The following CD164 variants were observed in gnomAD, a reference collection of about 807,000 sequenced individuals.
CD164 encodes CD164 molecule.
A neutral mutation model predicts 24.6 loss-of-function variants in CD164; 11 were observed. The observed-to-expected ratio is 0.45, with a 90% CI of 0.28 to 0.74. CD164 has a LOEUF of 0.74. Among genes scored for constraint, CD164 ranks in the 30% least tolerant of loss-of-function variants. The pLI, the probability that CD164 is intolerant of heterozygous loss-of-function variation, is 0.13. For missense variants in CD164, 295 were observed against 243.7 expected (o/e 1.21, Z -1.40); for synonymous variants, 126 against 100.3 (o/e 1.26, Z -1.53).
intron 5 of CD164, among the ~76,000 whole-genome samples, 199 bp from the exon 6 acceptor site, chr6:109,369,216 T>G (rs1424361031): frequency 6.6e-6 from 1 of 152,154 alleles, no homozygotes; most frequent in Admixed American, 6.5e-5. Flanking sequence ...TACAAAGTGG[T>G]CAATGCTACT....
chr6:109,373,062 AATC>A (rs1771176995), intron 4 of CD164, among the ~76,000 whole-genome samples: 1 of 152,176 alleles, frequency 6.6e-6, no homozygotes, highest in African/African-American at 2.4e-5. Context: ...AAATAATAAT[AATC>A]ATAAGTTATA....
At position 109,377,960 on chromosome 6, in the gene CD164, A is replaced by T; in HGVS notation, c.271T>A (p.Cys91Ser). Residue 91 changes from cysteine to serine, a missense_variant, in exon 3 of 6, where the codon TGT (cysteine) becomes AGT (serine). Cys to Ser is a moderately radical substitution (Grantham distance 112). Transcript: ENST00000310786. ...TCACTAACTGTTGAGTTATGTGAAC[A>T]ATAGCTCTCATCTGTTGGGGGGCAG... ...FWIECKDESY[C>S]SHNSTVSDCQ... The T allele has an allele frequency of 6.2e-7, 1 of 1,613,374 alleles. No homozygotes were observed. Among genetic ancestry groups the T allele is most frequent in the East Asian group, 2.2e-5 (1 of 44,872 alleles).
intron 2 of CD164, 109 bp downstream of exon 2, chr6:109,379,470 T>G (rs1771609745): frequency 1.3e-6 from 1 of 793,306 alleles, no homozygotes; most frequent in African/African-American, 1.8e-5. Context: ...ATTTGCAAAA[T>G]AAATAGTGCA....
chr6:109,369,651 C>A (rs1237720783), intron 5 of CD164, among the ~76,000 whole-genome samples: 2 of 152,104 alleles, frequency 1.3e-5, no homozygotes, highest in Non-Finnish European at 1.5e-5. Context: ...AAAAAAGTAA[C>A]AGTTATCAAA....
rs772783742 is a variant in CD164 at position 109,382,363 on chromosome 6, G to C, written c.16C>G (p.Arg6Gly). 5 of 1,549,332 alleles carry C rather than the reference G, an allele frequency of 3.2e-6. No individual in the cohort carries two copies. Among genetic ancestry groups the C allele is most frequent in the Non-Finnish European group, 4.3e-6 (5 of 1,153,470 alleles). ...CAGGTGGCGGCCCAAAGCAGTGAGCGGGAGAGCCGCGACATCGTGTCCTCA... is the reference window on the plus strand; with the variant it reads ...CAGGTGGCGGCCCAAAGCAGTGAGCCGGAGAGCCGCGACATCGTGTCCTCA... The part of the protein sequence containing the change: MSRLS[R>G]SLLWAATCLG... Residue 6 changes from arginine to glycine, a missense_variant, in exon 1 of 6, where the codon CGC becomes GGC. Coordinates refer to ENST00000310786, the MANE Select transcript of CD164 (RefSeq NM_006016.6).
intron 1 of CD164, chr6:109,380,515 T>C (rs2115171768): frequency 6.6e-6 from 1 of 152,352 alleles, no homozygotes; most frequent in African/African-American, 2.4e-5. Flanking sequence ...CAATACTTCA[T>C]CATTAGTACT....
chr6:109,371,919 T>C (rs1057122613), intron 4 of CD164: 1 of 152,232 alleles, frequency 6.6e-6, no homozygotes, highest in Non-Finnish European at 1.5e-5. Context: ...ATTAATCATA[T>C]GAGATTTATA....
rs1339666476 is a variant in CD164 at position 109,382,434 on chromosome 6, C to T, written c.-56G>A. ...GCTAAGGCTCGCAACGCTCAGTCAACCCCTCAATCCCCTGCGGCGCCGCCT... is the reference window on the plus strand; with the variant it reads ...GCTAAGGCTCGCAACGCTCAGTCAATCCCTCAATCCCCTGCGGCGCCGCCT... On this transcript the variant is annotated 5_prime_UTR_variant, in exon 1 of 6. Transcript: ENST00000310786. 1 of 1,398,716 alleles carries T rather than the reference C, an allele frequency of 7.1e-7. No homozygotes were observed. 86.6% of individuals were successfully genotyped at this position (1,398,716 alleles called of 1,614,324 possible).
At chr6:109,381,398 T>C (rs1463684256) in intron 1 of CD164, 2 of 668,102 alleles carry the variant, frequency 3.0e-6, no homozygotes, top group Non-Finnish European at 2.7e-6. Context: ...GCACAGGACA[T>C]AGTTAAGAAA....
chr6:109,370,346 A>C (rs1320998532), intron 5 of CD164, 65 bp downstream of exon 5: 11 of 1,309,932 alleles, frequency 8.4e-6, no homozygotes, highest in Non-Finnish European at 1.2e-5. Flanking sequence ...ATGATGGCAG[A>C]AATTGTAAAG....
chr6:109,378,888 TAAAAA>T (rs397783643), intron 2 of CD164, among the ~76,000 whole-genome samples: 1 of 148,968 alleles, frequency 6.7e-6, no homozygotes, highest in South Asian at 2.1e-4. Flanking sequence ...TGTTTTTACT[TAAAAA>T]AAAAACCGCC....
At chr6:109,379,752 C>T (rs934990558) in intron 1 of CD164, 90 bp from the exon 2 acceptor site, 12 of 887,240 alleles carry the variant, frequency 1.4e-5, no homozygotes, top group Non-Finnish European at 2.1e-5. Context: ...GAACAATAAG[C>T]ATTACATACA....
At chr6:109,379,697 T>C (rs1338672263) in intron 1 of CD164, 35 bp from the exon 2 acceptor site, 1 of 1,470,872 alleles carries the variant, frequency 6.8e-7, no homozygotes, top group East Asian at 2.3e-5. Flanking sequence ...ATGAAATCAA[T>C]GATTTTATTA....
rs1308961816 is a variant in CD164, at chr6:109,368,711, C to T, written c.*140G>A. The T allele has an allele frequency of 2.9e-6, 4 of 1,399,660 alleles. No homozygotes were observed. The highest frequency in any genetic ancestry group is 1.9e-6 in the Non-Finnish European group (2 of 1,080,818). 86.7% of individuals were successfully genotyped at this position (1,399,660 alleles called of 1,614,324 possible). The stretch of plus-strand genomic sequence containing the variant: ...GATTTTTTCTTCACGGATGATGCTC[C>T]CAAACATCCTATATGCATCCATGGA... On this transcript the variant is annotated 3_prime_UTR_variant, in exon 6 of 6. Transcript: ENST00000310786.
intron 1 of CD164, among the ~76,000 whole-genome samples, chr6:109,380,786 A>G (rs1434118105): frequency 1.3e-5 from 2 of 152,184 alleles, no homozygotes; most frequent in Non-Finnish European, 2.9e-5. Context: ...TTAATTTGAT[A>G]CTTCCAACCT....
chr6:109,373,838 A>C (rs1771241015), intron 4 of CD164, among the ~76,000 whole-genome samples: 1 of 152,182 alleles, frequency 6.6e-6, no homozygotes, highest in South Asian at 2.1e-4. Flanking sequence ...CTTCCATGGC[A>C]TGACTATTTC....
chr6:109,373,450 T>C (rs1217970619), intron 4 of CD164, among the ~76,000 whole-genome samples: 1 of 152,212 alleles, frequency 6.6e-6, no homozygotes, highest in African/African-American at 2.4e-5. Context: ...CTTCAACTAG[T>C]GTCAGTCAAC....
At position 109,368,826 on chromosome 6, in the gene CD164, G is replaced by A. The variant is rs1342482594; in HGVS notation, c.*25C>T. The A allele has an allele frequency of 1.0e-5, 16 of 1,597,980 alleles. No individual in the cohort carries two copies. The highest frequency in any genetic ancestry group is 1.4e-5 in the Non-Finnish European group (16 of 1,174,420). On this transcript the variant is annotated 3_prime_UTR_variant, in exon 6 of 6. Transcript: ENST00000310786. ...AGTGAGTTACACAAATGAATCACCA[G>A]TCCTTATTAATTCAATGGGTCTGTT...
At chr6:109,381,356 G>A (rs1013414422) in intron 1 of CD164, 2 of 606,042 alleles carry the variant, frequency 3.3e-6, no homozygotes, top group South Asian at 3.9e-5. Context: ...ACAAACCCCC[G>A]TTCCACGACC....
Sources: allele counts gnomAD v4.1 joint callset (sites outside exome capture counted in the v4.1 genomes callset), GRCh38; gene constraint gnomAD v4.1.1; transcripts MANE v1.5; gene names NCBI Gene and HGNC (gene_info 2026-07-23, HGNC 2026-07-21).